EEPD1: variants seen among roughly 807,000 people sequenced by gnomAD.
EEPD1 encodes endonuclease/exonuclease/phosphatase family domain-containing protein 1.
Under a neutral mutation model 46.3 loss-of-function variants are expected in EEPD1, and 17 were observed. The ratio of observed to expected loss-of-function variants is 0.37; its 90% confidence interval spans 0.25 to 0.55. EEPD1 has a LOEUF of 0.55. Ranked by LOEUF, EEPD1 falls within the 20% of genes least tolerant of loss-of-function variation. EEPD1 has a pLI of 0.83. For missense variants in EEPD1, 673 were observed against 745.6 expected (o/e 0.90, Z 1.13); for synonymous variants, 313 against 315.6 (o/e 0.99, Z 0.09).
At chr7:36,241,142 G>A (rs4723499) in intron 3 of EEPD1, among the ~76,000 whole-genome samples, 57,849 of 151,956 alleles carry the variant, frequency 0.38, 11,893 homozygotes, top group Non-Finnish European at 0.46. Flanking sequence ...TGTCATCTTA[G>A]TATTCATTAT....
chr7:36,159,926 C>T (rs934407040), intron 2 of EEPD1, among the ~76,000 whole-genome samples: 14 of 152,218 alleles, frequency 9.2e-5, no homozygotes, highest in Middle Eastern at 3.4e-3. Flanking sequence ...GAAAGATGGT[C>T]GGTAGTAAGA....
rs768582678 is a variant in EEPD1 at position 36,287,609 on chromosome 7, C to T, written c.1177-30C>T. ...ACAGGAAATATGAGCTTCTGAGCCT[C>T]TCCCTGTTGCTTTGTTTCCTGCTGC... On this transcript the variant is annotated intron_variant, in intron 5 of 7. Coordinates refer to ENST00000242108, the MANE Select transcript of EEPD1 (RefSeq NM_030636.3). 13 of 1,607,720 alleles carry T rather than the reference C, an allele frequency of 8.1e-6. No homozygotes were observed. The South Asian group carries it at 1.3e-4, about 16-fold the overall frequency.
chr7:36,261,102 A>G (rs1786914734), intron 3 of EEPD1, among the ~76,000 whole-genome samples: 2 of 152,132 alleles, frequency 1.3e-5, no homozygotes, highest in South Asian at 4.1e-4. Context: ...GTATGTATAG[A>G]TGTATGTGTG....
At chr7:36,168,723 A>G (rs1583783499) in intron 2 of EEPD1, among the ~76,000 whole-genome samples, 1 of 148,378 alleles carries the variant, frequency 6.7e-6, no homozygotes, top group South Asian at 2.1e-4. Flanking sequence ...GTGCCACTGC[A>G]CTCCAGCCTG....
chr7:36,198,466 G>A (rs572360955), intron 2 of EEPD1, among the ~76,000 whole-genome samples: 1 of 140,602 alleles, frequency 7.1e-6, no homozygotes, highest in East Asian at 2.2e-4. Context: ...AATCTCATAG[G>A]ACCACCATTG....
At position 36,170,143 on chromosome 7, in the gene EEPD1, G is replaced by A. The variant is rs530820659; in HGVS notation, c.878+14941G>A. ...ATTTTGGCCGGGTGCGGTGGCTCGC[G>A]CCTGTAATCCCAGCACTTTGCGAGG... On this transcript the variant is annotated intron_variant, in intron 2 of 7. Coordinates refer to ENST00000242108, the MANE Select transcript of EEPD1 (RefSeq NM_030636.3). Among the ~76,000 whole-genome samples the A allele has an allele frequency of 2.0e-5, 3 of 152,284 alleles. No individual in the cohort carries two copies. In the South Asian group the frequency reaches 6.2e-4, roughly 32 times the overall value.
chr7:36,209,708 C>T (rs1042509303), intron 2 of EEPD1, among the ~76,000 whole-genome samples: 4 of 152,060 alleles, frequency 2.6e-5, no homozygotes, highest in Admixed American at 2.0e-4. Flanking sequence ...GGGCAGATCT[C>T]GCGTGAACTA....
chr7:36,160,681 G>GTGGA (rs1554308608), intron 2 of EEPD1, among the ~76,000 whole-genome samples: 1 of 104,368 alleles, frequency 9.6e-6, no homozygotes, highest in Non-Finnish European at 2.1e-5. Context: ...GGTGGTGGGG[G>GTGGA]GCGGGGCGTG....
chr7:36,270,383 C>T (rs775495656), intron 3 of EEPD1, among the ~76,000 whole-genome samples: 64 of 151,922 alleles, frequency 4.2e-4, no homozygotes, highest in Non-Finnish European at 7.4e-4. Context: ...TAGGTATACA[C>T]GTGCCATGGT....
In EEPD1 at chr7:36,284,777, A is replaced by G. The variant is rs1787318569; in HGVS notation, c.1133A>G (p.His378Arg). 2.5e-6 allele frequency: 4 copies of G among 1,593,432 alleles called. No homozygotes were observed. The South Asian group carries it at 3.4e-5, about 13-fold the overall frequency. Residue 378 changes from histidine to arginine, a missense_variant, in exon 5 of 8, where the codon CAC becomes CGC. Transcript: ENST00000242108. ...GSQESSPSNG[H>R]GKLAGPSPYL... is the part of the protein sequence containing the mutation. ...CAGGAGAGCTCGCCAAGCAACGGGC[A>G]CGGGAAGCTGGCGGGCCCCAGCCCA...
intron 2 of EEPD1, among the ~76,000 whole-genome samples, chr7:36,210,032 G>C (rs1275690442): frequency 6.6e-6 from 1 of 152,036 alleles, no homozygotes; most frequent in South Asian, 2.1e-4. Flanking sequence ...TGGAGAGGAC[G>C]TTGAGGCAGG....
At chr7:36,206,584 G>C (rs1351767536) in intron 2 of EEPD1, among the ~76,000 whole-genome samples, 1 of 152,160 alleles carries the variant, frequency 6.6e-6, no homozygotes, top group Non-Finnish European at 1.5e-5. Context: ...CAAGGATGCT[G>C]TCTGGGCCCA....
chr7:36,267,993 C>T (rs1446768805), intron 3 of EEPD1, among the ~76,000 whole-genome samples: 2 of 152,160 alleles, frequency 1.3e-5, no homozygotes, highest in South Asian at 2.1e-4. Flanking sequence ...GGAATGGAAT[C>T]GCTGGAACCT....
At chr7:36,244,556 A>T (rs1167597218) in intron 3 of EEPD1, among the ~76,000 whole-genome samples, 2 of 152,044 alleles carry the variant, frequency 1.3e-5, no homozygotes, top group Non-Finnish European at 2.9e-5. Context: ...AGACGTGCCA[A>T]GGTTTTCCTG....
At chr7:36,280,391 G>T (rs1787242970) in intron 3 of EEPD1, among the ~76,000 whole-genome samples, 1 of 152,176 alleles carries the variant, frequency 6.6e-6, no homozygotes, top group Non-Finnish European at 1.5e-5. Flanking sequence ...TCCAAGGCTT[G>T]TGAAGGACAA....
chr7:36,211,432 G>T (rs1355521529), intron 2 of EEPD1, among the ~76,000 whole-genome samples: 2 of 151,452 alleles, frequency 1.3e-5, no homozygotes, highest in Non-Finnish European at 2.9e-5. Context: ...TTTAGTAAAT[G>T]ACCGATGAAA....
At position 36,276,870 on chromosome 7, in the gene EEPD1, G is replaced by A. The variant is rs117254314; in HGVS notation, c.931-4245G>A. On this transcript the variant is annotated intron_variant, in intron 3 of 7. Coordinates refer to ENST00000242108, the MANE Select transcript of EEPD1 (RefSeq NM_030636.3). Reference sequence around the variant, plus strand: ...TTAGCCACTGGGGATTCAGAAACCCGAGAGGGTGGGGTGGCAGTAGTTGGG... The same window carrying A: ...TTAGCCACTGGGGATTCAGAAACCCAAGAGGGTGGGGTGGCAGTAGTTGGG... 9.8e-3 allele frequency among the ~76,000 whole-genome samples: 1,497 copies of A among 152,334 alleles called. 9 individuals carry two copies. Among genetic ancestry groups the A allele is most frequent in the Admixed American group, 0.018 (272 of 15,310 alleles).
rs532119483 is a variant in EEPD1 at position 36,160,237 on chromosome 7, A to G, written c.878+5035A>G. On this transcript the variant is annotated intron_variant, in intron 2 of 7. Transcript: ENST00000242108. ...GTATCAGGCTCTGGTAATAAAGTGG[A>G]GAACAAGACAAAGTCCCTGCACTCA... 2.0e-5 allele frequency among the ~76,000 whole-genome samples: 3 copies of G among 152,370 alleles called. No homozygotes were observed. The South Asian group carries it at 6.2e-4, about 32-fold the overall frequency.
rs927409813 is a variant in EEPD1, at chr7:36,298,293, A to G, written c.1511-714A>G. Among the ~76,000 whole-genome samples, 8 of 152,284 alleles carry G rather than the reference A, an allele frequency of 5.3e-5. No individual in the cohort carries two copies. In the East Asian group the frequency reaches 1.5e-3, roughly 29 times the overall value. ...CAACAGGGCTGGAAGGAAGTTGGAAATCCTTTCAGTGGTTCCCTTCCTGTG... is the reference window on the plus strand; with the variant it reads ...CAACAGGGCTGGAAGGAAGTTGGAAGTCCTTTCAGTGGTTCCCTTCCTGTG... On this transcript the variant is annotated intron_variant, in intron 7 of 7. Coordinates refer to ENST00000242108, the MANE Select transcript of EEPD1 (RefSeq NM_030636.3).
Sources: gnomAD v4.1 joint callset for allele counts (sites outside exome capture counted in the v4.1 genomes callset) on GRCh38, gnomAD v4.1.1 for gene constraint, MANE v1.5 for transcripts, NCBI Gene and HGNC (gene_info 2026-07-23, HGNC 2026-07-21) for gene names.